UNC5C: variants seen among roughly 807,000 people sequenced by gnomAD.
UNC5C encodes the protein netrin receptor UNC5C.
A neutral mutation model predicts 99.8 loss-of-function variants in UNC5C; 47 were observed. The ratio of observed to expected loss-of-function variants is 0.47; its 90% CI spans 0.37 to 0.60. The LOEUF is 0.60. Among genes scored for constraint, UNC5C ranks in the 20% least tolerant of loss-of-function variants. UNC5C has a pLI of 0.00. For missense variants in UNC5C, 1,062 were observed against 1,165.9 expected (o/e 0.91, Z 1.30); for synonymous variants, 487 against 452.2 (o/e 1.08, Z -0.98).
intron 2 of UNC5C, among the ~76,000 whole-genome samples, chr4:95,318,948 C>T (rs1007563746): frequency 6.6e-6 from 1 of 152,180 alleles, no homozygotes; most frequent in Non-Finnish European, 1.5e-5. Context: ...AATCGTAAAG[C>T]ATACTCGTTT....
At chr4:95,291,681 A>T (rs1437590396) in intron 3 of UNC5C, among the ~76,000 whole-genome samples, 1 of 152,238 alleles carries the variant, frequency 6.6e-6, no homozygotes, top group Non-Finnish European at 1.5e-5. Context: ...TCAGGTATAC[A>T]TTATAATATT....
At chr4:95,265,208 T>G (rs964010530) in intron 4 of UNC5C, among the ~76,000 whole-genome samples, 7 of 152,210 alleles carry the variant, frequency 4.6e-5, no homozygotes, top group Admixed American at 1.3e-4. Flanking sequence ...CAAATCGTTA[T>G]CTTCAGTCCC....
intron 2 of UNC5C, among the ~76,000 whole-genome samples, chr4:95,332,136 C>T (rs1397740958): frequency 1.3e-5 from 2 of 152,090 alleles, no homozygotes; most frequent in Non-Finnish European, 2.9e-5. Context: ...ATGAAAATGG[C>T]CATACTGCCC....
At chr4:95,455,030 C>G (rs887810501) in intron 1 of UNC5C, among the ~76,000 whole-genome samples, 6 of 151,964 alleles carry the variant, frequency 3.9e-5, no homozygotes. Context: ...ATACTGCTCT[C>G]TTAATGTTAC....
At chr4:95,169,506 A>G in intron 15 of UNC5C, 107 bp from the exon 16 acceptor site, 9 of 1,301,390 alleles carry the variant, frequency 6.9e-6, no homozygotes, top group Non-Finnish European at 9.5e-6. Context: ...TCCTGGTCCC[A>G]TTGTGGCTGA....
chr4:95,340,139 G>A (rs1209066258), intron 1 of UNC5C, among the ~76,000 whole-genome samples: 4 of 151,886 alleles, frequency 2.6e-5, no homozygotes, highest in African/African-American at 9.7e-5. Context: ...TTCTTCACAG[G>A]AATATATTAT....
At chr4:95,172,872 G>T (rs10212774) in intron 14 of UNC5C, among the ~76,000 whole-genome samples, 22,974 of 152,104 alleles carry the variant, frequency 0.15, 2,326 homozygotes, top group Non-Finnish European at 0.23. Flanking sequence ...CTACCCATGA[G>T]CATGGAATGT....
At chr4:95,496,627 C>T (rs1293877564) in intron 1 of UNC5C, among the ~76,000 whole-genome samples, 1 of 151,768 alleles carries the variant, frequency 6.6e-6, no homozygotes, top group African/African-American at 2.4e-5. Context: ...ATATTGGGTA[C>T]TAAATGACAG....
intron 14 of UNC5C, among the ~76,000 whole-genome samples, chr4:95,171,542 C>T (rs1452258430): frequency 2.6e-5 from 4 of 151,750 alleles, no homozygotes; most frequent in African/African-American, 9.7e-5. Context: ...TCCAATTTCA[C>T]CCATGTCCCT....
chr4:95,501,570 T>C (rs1041257285), intron 1 of UNC5C, among the ~76,000 whole-genome samples: 3 of 152,306 alleles, frequency 2.0e-5, no homozygotes, highest in Middle Eastern at 3.4e-3. Flanking sequence ...ATCACTATTG[T>C]TAAATTAATA....
chr4:95,366,799 A>C (rs1311504618), intron 1 of UNC5C, among the ~76,000 whole-genome samples: 2 of 152,200 alleles, frequency 1.3e-5, no homozygotes, highest in African/African-American at 2.4e-5. Context: ...AGCAGAGCTA[A>C]ACATTGAGGC....
intron 1 of UNC5C, among the ~76,000 whole-genome samples, chr4:95,512,407 C>A (rs1365977520): frequency 6.6e-6 from 1 of 152,020 alleles, no homozygotes; most frequent in Non-Finnish European, 1.5e-5. Flanking sequence ...AATAAGAATT[C>A]CTCACTCACA....
intron 1 of UNC5C, among the ~76,000 whole-genome samples, chr4:95,409,296 A>G (rs1402085943): frequency 2.0e-5 from 3 of 152,154 alleles, no homozygotes; most frequent in African/African-American, 7.2e-5. Context: ...AATATGACTC[A>G]GGACTCTTGT....
chr4:95,483,910 A>G (rs1305971452), intron 1 of UNC5C, among the ~76,000 whole-genome samples: 1 of 151,894 alleles, frequency 6.6e-6, no homozygotes, highest in Non-Finnish European at 1.5e-5. Flanking sequence ...GGGATTCACA[A>G]TACAGTTTTT....
chr4:95,502,673 G>T (rs1338732083), intron 1 of UNC5C, among the ~76,000 whole-genome samples: 1 of 152,116 alleles, frequency 6.6e-6, no homozygotes, highest in Non-Finnish European at 1.5e-5. Flanking sequence ...CACACACGTG[G>T]AAAGCACTCA....
intron 1 of UNC5C, among the ~76,000 whole-genome samples, chr4:95,451,195 C>T (rs982226782): frequency 2.6e-5 from 4 of 152,138 alleles, no homozygotes; most frequent in African/African-American, 9.7e-5. Flanking sequence ...GCATCTGAAT[C>T]ACATTACACA....
intron 2 of UNC5C, among the ~76,000 whole-genome samples, chr4:95,325,185 T>A (rs775519084): frequency 3.0e-4 from 46 of 152,240 alleles, no homozygotes; most frequent in Admixed American, 7.8e-4. Flanking sequence ...AGACTGAAGA[T>A]AAGATCAAGC....
chr4:95,383,582 C>T (rs1745131515), intron 1 of UNC5C, among the ~76,000 whole-genome samples: 1 of 152,112 alleles, frequency 6.6e-6, no homozygotes. Context: ...TTACCTTTTG[C>T]TAACTGCATG....
At chr4:95,545,942 C>T (rs1239927423) in intron 1 of UNC5C, among the ~76,000 whole-genome samples, 1 of 152,216 alleles carries the variant, frequency 6.6e-6, no homozygotes, top group Non-Finnish European at 1.5e-5. Flanking sequence ...GAGAATTTCC[C>T]AAGGACCTAT....
Sources: gnomAD v4.1 joint callset for allele counts (sites outside exome capture counted in the v4.1 genomes callset) on GRCh38, gnomAD v4.1.1 for gene constraint, MANE v1.5 for transcripts, NCBI Gene and HGNC (gene_info 2026-07-23, HGNC 2026-07-21) for gene names.